Variants in POC1A observed in about 807,000 individuals in gnomAD.
POC1A encodes the protein POC1 centriolar protein A, also known as POC1 centriolar protein homolog A.
Under a neutral mutation model 47.8 loss-of-function variants are expected in POC1A, and 34 were observed. The ratio of observed to expected loss-of-function variants is 0.71; its 90% CI spans 0.54 to 0.95. The LOEUF is 0.95. Among genes scored for constraint, POC1A ranks in the 40% least tolerant of loss-of-function variants. POC1A has a pLI of 0.00. For synonymous variants in POC1A, 177 were observed against 207.6 expected, an observed-to-expected ratio of 0.85 and a Z score of 1.27; for missense variants, 466 against 528.3, an observed-to-expected ratio of 0.88 and a Z score of 1.16.
At chr3:52,104,385 A>G (rs1359403625) in intron 9 of POC1A, among the ~76,000 whole-genome samples, 1 of 152,234 alleles carries the variant, frequency 6.6e-6, no homozygotes, top group African/African-American at 2.4e-5. Context: ...AAGATTCTAT[A>G]TCTTGATTGT....
chr3:52,104,091 A>G (rs1366253863), intron 9 of POC1A, among the ~76,000 whole-genome samples: 2 of 152,246 alleles, frequency 1.3e-5, no homozygotes, highest in Non-Finnish European at 2.9e-5. Context: ...AATAGCCCAA[A>G]TGCTCACCAA....
chr3:52,089,087 AC>A (rs1279899285), intron 10 of POC1A, among the ~76,000 whole-genome samples: 1 of 148,800 alleles, frequency 6.7e-6, no homozygotes, highest in Non-Finnish European at 1.5e-5. Flanking sequence ...TTTTTGCCTG[AC>A]CCCCATGGGA....
At chr3:52,136,807 G>A (rs147182959) in intron 7 of POC1A, among the ~76,000 whole-genome samples, 135 of 152,316 alleles carry the variant, frequency 8.9e-4, no homozygotes, top group Non-Finnish European at 1.7e-3. Flanking sequence ...CCAGAACACC[G>A]GGAATGACAT....
intron 10 of POC1A, among the ~76,000 whole-genome samples, chr3:52,076,851 A>C (rs1316668055): frequency 6.6e-6 from 1 of 152,258 alleles, no homozygotes; most frequent in African/African-American, 2.4e-5. Context: ...TGGCCTGCCA[A>C]AGGCCCCCAG....
chr3:52,152,899 C>T (rs2107219146), intron 1 of POC1A, among the ~76,000 whole-genome samples: 1 of 152,294 alleles, frequency 6.6e-6, no homozygotes, highest in East Asian at 1.9e-4. Flanking sequence ...TGAAAGAAGT[C>T]AAACACCAAA....
At chr3:52,095,833 A>G (rs1444809155) in intron 10 of POC1A, among the ~76,000 whole-genome samples, 1 of 152,168 alleles carries the variant, frequency 6.6e-6, no homozygotes, top group Non-Finnish European at 1.5e-5. Context: ...CCTGCCAAGC[A>G]TGCCCCTATT....
chr3:52,120,733 G>A (rs1577873727), intron 9 of POC1A, among the ~76,000 whole-genome samples: 2 of 152,366 alleles, frequency 1.3e-5, no homozygotes, highest in South Asian at 4.1e-4. Context: ...ATGGGAACAA[G>A]TGGTTGCTCT....
Position 52,133,942 on chromosome 3 carries a change from C to T in POC1A, c.813+4227G>A, listed in dbSNP as rs142561402. On this transcript the variant is annotated intron_variant, in intron 7 of 10. Transcript: ENST00000296484. ...AAGCTGTCCCACTGGCCCTAAGATG[C>T]AGTAGCCCTCTCTCTCGCAGCTCTC... Among the ~76,000 whole-genome samples the T allele has an allele frequency of 2.6e-5, 4 of 152,336 alleles. No homozygotes were observed. The East Asian group carries it at 5.8e-4, about 22-fold the overall frequency.
At chr3:52,082,202 G>A (rs937348947) in intron 10 of POC1A, among the ~76,000 whole-genome samples, 3 of 152,120 alleles carry the variant, frequency 2.0e-5, no homozygotes, top group African/African-American at 7.2e-5. Context: ...GAGTGGGGAG[G>A]GCAGTGGACC....
rs764154126 is a variant in POC1A, at chr3:52,109,456, TTTTTG to T, written c.982-12749_982-12745del. 1.1e-4 allele frequency among the ~76,000 whole-genome samples: 16 copies of T among 152,102 alleles called. No homozygotes were observed. In the East Asian group the frequency reaches 1.5e-3, roughly 15 times the overall value. ...GCTTGAAATTTCCACAATACAAAGG[TTTTTG>T]TTTTGTTTTGTTTTGTTTAATTAAA... is the stretch of plus-strand genomic sequence containing the variant. On this transcript the variant is annotated intron_variant, in intron 9 of 10. Transcript: ENST00000296484.
intron 7 of POC1A, among the ~76,000 whole-genome samples, chr3:52,131,289 C>G (rs1024333600): frequency 4.6e-5 from 7 of 152,162 alleles, no homozygotes; most frequent in African/African-American, 1.7e-4. Context: ...TCACACGGGG[C>G]CTGAGGCTCT....
Position 52,149,862 on chromosome 3 carries a change from C to A in POC1A, c.229G>T (p.Ala77Ser), listed in dbSNP as rs780710275. ...VNFSPSGHLL[A>S]SGSRDKTVRI... ...ACAGTCTTGTCTCGGGAGCCGGAAG[C>A]AAGCAGGTGTCCCGAAGGAGAGAAG... Residue 77 changes from alanine (A) to serine (S), a missense_variant, in exon 3 of 11, where the codon GCT (alanine) becomes TCT (serine). Transcript: ENST00000296484. 14 of 1,613,832 alleles carry A rather than the reference C, an allele frequency of 8.7e-6. No individual in the cohort carries two copies. In the African/African-American group the frequency reaches 1.9e-4, roughly 22 times the overall value.
intron 10 of POC1A, among the ~76,000 whole-genome samples, chr3:52,086,196 C>T (rs1466607355): frequency 6.6e-6 from 1 of 152,124 alleles, no homozygotes; most frequent in African/African-American, 2.4e-5. Flanking sequence ...GGTGTGGTCC[C>T]CACTGCTCTG....
intron 9 of POC1A, among the ~76,000 whole-genome samples, chr3:52,113,974 A>G (rs1291251148): frequency 6.6e-6 from 1 of 152,226 alleles, no homozygotes; most frequent in Non-Finnish European, 1.5e-5. Flanking sequence ...AGCCCATGAA[A>G]TGAAAAATGC....
intron 6 of POC1A, among the ~76,000 whole-genome samples, chr3:52,145,460 T>G (rs1038242530): frequency 2.0e-5 from 3 of 152,316 alleles, no homozygotes; most frequent in African/African-American, 7.2e-5. Flanking sequence ...GGCTGTCACC[T>G]TGGCCCTGGA....
chr3:52,131,431 G>A (rs1408509457), intron 7 of POC1A, among the ~76,000 whole-genome samples: 1 of 152,146 alleles, frequency 6.6e-6, no homozygotes, highest in Non-Finnish European at 1.5e-5. Flanking sequence ...ATGACATCCA[G>A]TGAGAGGCAG....
intron 8 of POC1A, among the ~76,000 whole-genome samples, chr3:52,123,969 T>C (rs1288596332): frequency 6.6e-6 from 1 of 152,248 alleles, no homozygotes; most frequent in Non-Finnish European, 1.5e-5. Flanking sequence ...AGAGCAGGAC[T>C]GGTGCTGGTG....
At chr3:52,115,537 G>A (rs544798092) in intron 9 of POC1A, among the ~76,000 whole-genome samples, 198 of 152,302 alleles carry the variant, frequency 1.3e-3, no homozygotes, top group African/African-American at 4.5e-3. Flanking sequence ...CTGAGGGCTA[G>A]TGTCCCCCAA....
intron 1 of POC1A, among the ~76,000 whole-genome samples, chr3:52,153,042 T>A (rs1577935041): frequency 6.6e-6 from 1 of 152,238 alleles, no homozygotes; most frequent in East Asian, 1.9e-4. Flanking sequence ...GTATGACTGT[T>A]ATTGAGTATG....
Sources: gnomAD v4.1 joint callset for allele counts (sites outside exome capture counted in the v4.1 genomes callset) on GRCh38, gnomAD v4.1.1 for gene constraint, MANE v1.5 for transcripts, NCBI Gene and HGNC (gene_info 2026-07-23, HGNC 2026-07-21) for gene names.